Variants in MTUS2 observed in about 807,000 individuals in gnomAD.
The protein encoded by MTUS2 is microtubule-associated tumor suppressor candidate 2.
In MTUS2, 40 loss-of-function variants were observed where a neutral mutation model predicts 114.1. The ratio of observed to expected loss-of-function variants is 0.35; its 90% CI spans 0.27 to 0.46. MTUS2 has a LOEUF of 0.46. Among genes scored for constraint, MTUS2 ranks in the 20% least tolerant of loss-of-function variants. MTUS2 has a pLI of 1.00. For missense variants in MTUS2, 1,679 were observed against 1,705.4 expected (o/e 0.98, Z 0.27); for synonymous variants, 688 against 672.0 (o/e 1.02, Z -0.37).
chr13:29,456,916 T>A (rs1879146186), intron 9 of MTUS2, among the ~76,000 whole-genome samples: 1 of 151,828 alleles, frequency 6.6e-6, no homozygotes, highest in Non-Finnish European at 1.5e-5. Flanking sequence ...GGCGGGCGAA[T>A]CACGAGGTCA....
intron 5 of MTUS2, among the ~76,000 whole-genome samples, chr13:29,255,690 G>A (rs1445750076): frequency 6.6e-6 from 1 of 151,724 alleles, no homozygotes; most frequent in Non-Finnish European, 1.5e-5. Flanking sequence ...ATGAGGCTGA[G>A]CTGTTGATCA....
intron 7 of MTUS2, among the ~76,000 whole-genome samples, chr13:29,328,358 C>T (rs1900617509): frequency 1.3e-5 from 2 of 152,180 alleles, no homozygotes; most frequent in Admixed American, 1.3e-4. Context: ...TTATACATTT[C>T]AGGGAGACAT....
At chr13:29,228,315 G>C (rs930030999) in intron 5 of MTUS2, among the ~76,000 whole-genome samples, 3 of 152,294 alleles carry the variant, frequency 2.0e-5, no homozygotes, top group African/African-American at 7.2e-5. Flanking sequence ...GCAAGAAAGT[G>C]TAAAGAGCCC....
chr13:29,346,218 G>A (rs531619625), intron 7 of MTUS2, among the ~76,000 whole-genome samples: 248 of 152,230 alleles, frequency 1.6e-3, no homozygotes, highest in African/African-American at 5.7e-3. Flanking sequence ...CCACCTGGGT[G>A]GTAAGTATTT....
At chr13:29,350,234 T>C (rs1476544200) in intron 7 of MTUS2, among the ~76,000 whole-genome samples, 1 of 151,884 alleles carries the variant, frequency 6.6e-6, no homozygotes, top group Non-Finnish European at 1.5e-5. Context: ...ACAAGGCTAA[T>C]ATGAAGAAAT....
chr13:29,304,759 A>T (rs1421263109), intron 6 of MTUS2, among the ~76,000 whole-genome samples: 1 of 152,208 alleles, frequency 6.6e-6, no homozygotes, highest in Non-Finnish European at 1.5e-5. Context: ...GATGTTCAGG[A>T]TCTGAACTCA....
chr13:29,008,091 A>G (rs1273881089), intron 2 of MTUS2, among the ~76,000 whole-genome samples: 1 of 152,140 alleles, frequency 6.6e-6, no homozygotes, highest in Non-Finnish European at 1.5e-5. Flanking sequence ...TTGCTGCCCA[A>G]TAGCCATTTC....
In MTUS2 at chr13:29,142,532, C is replaced by T. The variant is rs139130027; in HGVS notation, c.2644+41562C>T. The stretch of plus-strand genomic sequence containing the variant: ...CAACCTGGCCAACATGGTGAACCCC[C>T]GTCTCTACTAAAAAAATACAAAAAT... On this transcript the variant is annotated intron_variant, in intron 5 of 15. Transcript: ENST00000612955. 5.6e-3 allele frequency among the ~76,000 whole-genome samples: 851 copies of T among 152,034 alleles called. 13 individuals are homozygous for T. The highest frequency in any genetic ancestry group is 0.02 in the African/African-American group (812 of 41,450).
At chr13:29,389,347 G>A (rs1392683082) in intron 8 of MTUS2, among the ~76,000 whole-genome samples, 311 of 12,074 alleles carry the variant, frequency 0.026, 26 homozygotes, top group South Asian at 0.08. Context: ...GTATGCACGT[G>A]TGTGTATATA....
chr13:29,452,604 G>GTA (rs1878789880), intron 9 of MTUS2, among the ~76,000 whole-genome samples: 3 of 98,884 alleles, frequency 3.0e-5, no homozygotes, highest in African/African-American at 9.8e-5. Flanking sequence ...GTGTGTGTGT[G>GTA]TGTATATATA....
At chr13:29,131,173 G>A (rs1891747092) in intron 5 of MTUS2, among the ~76,000 whole-genome samples, 1 of 152,222 alleles carries the variant, frequency 6.6e-6, no homozygotes, top group Admixed American at 6.5e-5. Context: ...GCATCATGAT[G>A]TTTTAAAGTC....
intron 7 of MTUS2, among the ~76,000 whole-genome samples, chr13:29,331,175 G>T (rs1248356913): frequency 6.6e-6 from 1 of 152,068 alleles, no homozygotes; most frequent in Non-Finnish European, 1.5e-5. Flanking sequence ...TGTCTTCCTA[G>T]GTACTTTTTT....
chr13:29,175,209 A>C (rs9314937), intron 5 of MTUS2, among the ~76,000 whole-genome samples: 112,731 of 152,068 alleles, frequency 0.74, 41,900 homozygotes, highest in East Asian at 0.8. Flanking sequence ...GTAAATATAA[A>C]GTCTAAATTT....
intron 7 of MTUS2, among the ~76,000 whole-genome samples, chr13:29,328,545 T>A (rs1230614722): frequency 6.6e-6 from 1 of 152,162 alleles, no homozygotes; most frequent in Admixed American, 6.5e-5. Flanking sequence ...TAGAAAGGAA[T>A]GTTTGAGTTA....
At chr13:29,083,751 G>C (rs1889547701) in intron 4 of MTUS2, among the ~76,000 whole-genome samples, 1 of 152,130 alleles carries the variant, frequency 6.6e-6, no homozygotes, top group Non-Finnish European at 1.5e-5. Flanking sequence ...TTTACATTGA[G>C]CCATACTAAC....
At chr13:29,456,994 A>T (rs1027697527) in intron 9 of MTUS2, among the ~76,000 whole-genome samples, 1 of 151,720 alleles carries the variant, frequency 6.6e-6, no homozygotes, top group East Asian at 1.9e-4. Context: ...TAAAAAAAAA[A>T]ATTAGCCAGG....
intron 5 of MTUS2, among the ~76,000 whole-genome samples, chr13:29,224,171 G>T (rs1378134921): frequency 6.6e-6 from 1 of 152,194 alleles, no homozygotes; most frequent in African/African-American, 2.4e-5. Context: ...AGGTAAAGGT[G>T]CCACTGGCCA....
intron 2 of MTUS2, among the ~76,000 whole-genome samples, chr13:28,946,895 A>G (rs1882561487): frequency 3.9e-5 from 6 of 152,078 alleles, no homozygotes; most frequent in Admixed American, 3.9e-4. Context: ...GATGTGAACT[A>G]TTTCCATGTA....
chr13:29,331,105 A>G (rs1454900794), intron 7 of MTUS2, among the ~76,000 whole-genome samples: 1 of 152,016 alleles, frequency 6.6e-6, no homozygotes, highest in Non-Finnish European at 1.5e-5. Flanking sequence ...GTCCTCTCTT[A>G]TTTCATTGGG....
Sources: allele counts gnomAD v4.1 joint callset (sites outside exome capture counted in the v4.1 genomes callset), GRCh38; gene constraint gnomAD v4.1.1; transcripts MANE v1.5; gene names NCBI Gene and HGNC (gene_info 2026-07-23, HGNC 2026-07-21).